ARHGAP44: variants seen among roughly 807,000 people sequenced by gnomAD.
ARHGAP44 encodes Rho GTPase activating protein 44, also known as rho GTPase-activating protein 44.
In ARHGAP44, 43 loss-of-function variants were observed where a neutral mutation model predicts 106.8. That is an observed-to-expected ratio of 0.40 (90% CI 0.32 to 0.52). The LOEUF (loss-of-function observed/expected upper bound fraction) is 0.52. Among genes scored for constraint, ARHGAP44 ranks in the 20% least tolerant of loss-of-function variants. The pLI is 0.48. For missense variants in ARHGAP44, 866 were observed against 1,050.5 expected, an observed-to-expected ratio of 0.82 and a Z score of 2.43; for synonymous variants, 439 against 410.3, an observed-to-expected ratio of 1.07 and a Z score of -0.85.
intron 6 of ARHGAP44, among the ~76,000 whole-genome samples, chr17:12,925,873 G>C (rs74834948): frequency 6.6e-6 from 1 of 152,086 alleles, no homozygotes; most frequent in Non-Finnish European, 1.5e-5. Flanking sequence ...TTCATAATTC[G>C]TGTTACTTTT....
At chr17:12,877,407 A>G (rs979059872) in intron 1 of ARHGAP44, among the ~76,000 whole-genome samples, 2 of 152,226 alleles carry the variant, frequency 1.3e-5, no homozygotes, top group African/African-American at 4.8e-5. Flanking sequence ...GGAAAAAAGG[A>G]AAAAGAATCT....
chr17:12,964,611 T>C (rs1476936637), intron 16 of ARHGAP44, among the ~76,000 whole-genome samples: 1 of 152,110 alleles, frequency 6.6e-6, no homozygotes, highest in Non-Finnish European at 1.5e-5. Flanking sequence ...TGAAACCTCA[T>C]CTCTACTAAA....
chr17:12,941,268 A>G (rs934894839), intron 8 of ARHGAP44, 144 bp downstream of exon 8: 2 of 684,390 alleles, frequency 2.9e-6, no homozygotes, highest in Middle Eastern at 2.5e-4. Flanking sequence ...AAATCCTGCC[A>G]TGCTCCTGAT....
At chr17:12,989,592 C>T (rs2040058670) in intron 20 of ARHGAP44, among the ~76,000 whole-genome samples, 1 of 152,178 alleles carries the variant, frequency 6.6e-6, no homozygotes, top group East Asian at 1.9e-4. Context: ...GACACTGGCT[C>T]AGGGTTCCCC....
chr17:12,918,780 T>C (rs2037989671), intron 5 of ARHGAP44, among the ~76,000 whole-genome samples: 1 of 152,154 alleles, frequency 6.6e-6, no homozygotes, highest in Non-Finnish European at 1.5e-5. Context: ...CTCCCCACTT[T>C]TGGCCCTTCT....
intron 7 of ARHGAP44, among the ~76,000 whole-genome samples, chr17:12,931,673 A>AT (rs1411827479): frequency 6.6e-6 from 1 of 151,200 alleles, no homozygotes; most frequent in Non-Finnish European, 1.5e-5. Flanking sequence ...ATTTTTTTGT[A>AT]TTTTTTTAGT....
chr17:12,880,242 C>G (rs2036685022), intron 1 of ARHGAP44, among the ~76,000 whole-genome samples: 1 of 151,932 alleles, frequency 6.6e-6, no homozygotes, highest in Non-Finnish European at 1.5e-5. Flanking sequence ...TATTATGAAA[C>G]AATGTTAAGA....
At chr17:12,907,189 T>C (rs1288893550) in intron 3 of ARHGAP44, among the ~76,000 whole-genome samples, 3 of 152,202 alleles carry the variant, frequency 2.0e-5, no homozygotes, top group African/African-American at 7.2e-5. Flanking sequence ...CTACGTAGAC[T>C]GGAAGACCTG....
chr17:12,949,777 G>A lies in ARHGAP44; in HGVS notation c.1055+47G>A. On this transcript the variant is annotated intron_variant, in intron 12 of 20. Transcript: ENST00000379672. The surrounding 1 kb of genome is among the most constrained non-coding windows in gnomAD (Gnocchi z 4.1). ...ATGTCCTGTGAGTTACAGTTTATTTGGGAGTATGTGCTGAAATTATAGAAG... is the reference window on the plus strand; with the variant it reads ...ATGTCCTGTGAGTTACAGTTTATTTAGGAGTATGTGCTGAAATTATAGAAG... 6.5e-7 allele frequency: 1 copy of A among 1,548,330 alleles called. No homozygotes were observed. Among genetic ancestry groups the A allele is most frequent in the Non-Finnish European group, 8.9e-7 (1 of 1,123,664 alleles).
chr17:12,841,299 A>G (rs1209543578), intron 1 of ARHGAP44, among the ~76,000 whole-genome samples: 1 of 152,118 alleles, frequency 6.6e-6, no homozygotes, highest in Non-Finnish European at 1.5e-5. Context: ...TTCTTCCTCA[A>G]TACCTAGTCT....
At chr17:12,989,632 G>GGTC (rs1404102867) in intron 20 of ARHGAP44, among the ~76,000 whole-genome samples, 1 of 152,046 alleles carries the variant, frequency 6.6e-6, no homozygotes, top group African/African-American at 2.4e-5. Flanking sequence ...AGGAGAAAGG[G>GGTC]GTCCACTGTC....
chr17:12,906,870 C>G (rs2037565875), intron 3 of ARHGAP44, among the ~76,000 whole-genome samples: 1 of 151,938 alleles, frequency 6.6e-6, no homozygotes, highest in African/African-American at 2.4e-5. Flanking sequence ...GGCTTAGGAG[C>G]TCGAGGCTTC....
Position 12,974,147 on chromosome 17 carries a change from C to G in ARHGAP44, c.1600C>G (p.Arg534Gly). 1.3e-6 allele frequency: 2 copies of G among 1,562,102 alleles called. No individual in the cohort carries two copies. Among genetic ancestry groups the G allele is most frequent in the South Asian group, 1.2e-5 (1 of 84,814 alleles). The change falls in exon 18 of 21, where the codon CGG (arginine) becomes GGG (glycine). Residue 534 changes from arginine to glycine, a missense_variant. Physicochemically the swap from Arg to Gly is moderately radical, Grantham distance 125. Transcript: ENST00000379672. ...GGCTCGAAGAGGCTCCTCGGCCGGT[C>G]GGAAAGTGTCCTGCGCCCCGCCCTC... ...WVARRGSSAG[R>G]KVSCAPPSMQ...
chr17:12,894,899 G>T (rs1429047230), intron 1 of ARHGAP44, 41 bp from the exon 2 acceptor site: 1 of 1,548,980 alleles, frequency 6.5e-7, no homozygotes, highest in Non-Finnish European at 8.8e-7. Flanking sequence ...AGGCTCTGTT[G>T]TTAGTTTTGT....
At chr17:12,917,905 C>T (rs2037964540) in intron 5 of ARHGAP44, among the ~76,000 whole-genome samples, 1 of 152,184 alleles carries the variant, frequency 6.6e-6, no homozygotes, top group Admixed American at 6.5e-5. Flanking sequence ...TGTCTGGCTT[C>T]CTCTCTGAAC....
intron 1 of ARHGAP44, among the ~76,000 whole-genome samples, chr17:12,798,090 T>C (rs1484475410): frequency 6.6e-6 from 1 of 152,326 alleles, no homozygotes; most frequent in Non-Finnish European, 1.5e-5. Context: ...TTAAATACTT[T>C]TTTTAAAAAA....
At chr17:12,891,302 A>G (rs577133539) in intron 1 of ARHGAP44, among the ~76,000 whole-genome samples, 111 of 152,230 alleles carry the variant, frequency 7.3e-4, no homozygotes, top group African/African-American at 2.5e-3. Context: ...TTGTGCTGCC[A>G]TAAATGAATA....
chr17:12,965,717 G>A (rs1408652572), intron 16 of ARHGAP44, among the ~76,000 whole-genome samples: 1 of 152,166 alleles, frequency 6.6e-6, no homozygotes, highest in African/African-American at 2.4e-5. Context: ...CTCCACAGGG[G>A]GCTGTAGCAT....
intron 12 of ARHGAP44, among the ~76,000 whole-genome samples, chr17:12,950,139 A>G (rs2143082541): frequency 1.3e-5 from 2 of 152,364 alleles, no homozygotes; most frequent in East Asian, 3.9e-4. Context: ...TTAAAACAAT[A>G]GAATTTTAAA....
Sources: allele counts gnomAD v4.1 joint callset (sites outside exome capture counted in the v4.1 genomes callset), GRCh38; gene constraint gnomAD v4.1.1; non-coding constraint Gnocchi (gnomAD v3.1); transcripts MANE v1.5; gene names NCBI Gene and HGNC (gene_info 2026-07-23, HGNC 2026-07-21).